ZBTB44: variants seen among roughly 807,000 people sequenced by gnomAD.
ZBTB44 encodes zinc finger and BTB domain containing 44.
A neutral mutation model predicts 54.0 loss-of-function variants in ZBTB44; 15 were observed. That is an observed-to-expected ratio of 0.28 (90% CI 0.19 to 0.43). The LOEUF (loss-of-function observed/expected upper bound fraction) is 0.43, where lower values mean the gene tolerates loss of function less well. Among genes scored for constraint, ZBTB44 ranks in the 20% least tolerant of loss-of-function variants. ZBTB44 has a pLI of 1.00. For missense variants in ZBTB44, 487 were observed against 707.1 expected, an observed-to-expected ratio of 0.69 and a Z score of 3.53; for synonymous variants, 230 against 250.1, an observed-to-expected ratio of 0.92 and a Z score of 0.76.
chr11:130,262,919 G>A (rs1938982015), intron 1 of ZBTB44, among the ~76,000 whole-genome samples: 1 of 152,170 alleles, frequency 6.6e-6, no homozygotes, highest in Non-Finnish European at 1.5e-5. Flanking sequence ...AAATTAGGCG[G>A]GTGTGGTGGC....
chr11:130,246,214 A>G (rs1954638384), intron 2 of ZBTB44, among the ~76,000 whole-genome samples: 1 of 152,236 alleles, frequency 6.6e-6, no homozygotes, highest in Admixed American at 6.5e-5. Context: ...AAATAACACA[A>G]GTAATCATAT....
chr11:130,286,448 C>G (rs897609526), intron 1 of ZBTB44, among the ~76,000 whole-genome samples: 6 of 152,188 alleles, frequency 3.9e-5, no homozygotes, highest in African/African-American at 1.2e-4. Context: ...ATATCTCACA[C>G]TATAACTACT....
chr11:130,236,363 T>G (rs1205906037), intron 5 of ZBTB44: 11 of 639,852 alleles, frequency 1.7e-5, no homozygotes, highest in Non-Finnish European at 2.4e-5. Context: ...CAATGGCTAT[T>G]CCTTTATATA....
At chr11:130,242,584 A>G (rs1954423562) in intron 2 of ZBTB44, among the ~76,000 whole-genome samples, 1 of 152,192 alleles carries the variant, frequency 6.6e-6, no homozygotes, top group Non-Finnish European at 1.5e-5. Flanking sequence ...TTTTTCAAAT[A>G]TAATTCATTC....
rs2136240568 is a variant in ZBTB44 at position 130,230,105 on chromosome 11, T to C, written c.*1659A>G. On this transcript the variant is annotated 3_prime_UTR_variant, in exon 8 of 8. Coordinates refer to ENST00000357899, the MANE Select transcript of ZBTB44 (RefSeq NM_001301098.2). Reference sequence around the variant, plus strand: ...AGTCTCTGTTACAGAATTGCCACATTATACAGTAATGTATTTTTCAAGGAC... The same window carrying C: ...AGTCTCTGTTACAGAATTGCCACATCATACAGTAATGTATTTTTCAAGGAC... 1 of 152,226 alleles carries C rather than the reference T, an allele frequency of 6.6e-6. No homozygotes were observed. The highest frequency in any genetic ancestry group is 3.4e-3 in the Middle Eastern group (1 of 294). The allele number at this position is 152,226 out of a possible 1,614,324, so 9.4% of individuals were successfully genotyped here. A position where few individuals can be genotyped will look rare whatever the true frequency, so the allele number is the denominator to read the frequency against.
At chr11:130,245,430 G>T (rs534419951) in intron 2 of ZBTB44, among the ~76,000 whole-genome samples, 2 of 152,232 alleles carry the variant, frequency 1.3e-5, no homozygotes, top group East Asian at 1.9e-4. Context: ...TCAGTCCTGG[G>T]CTAAGAAACT....
chr11:130,309,747 C>T (rs1382926335), intron 1 of ZBTB44, among the ~76,000 whole-genome samples: 1 of 151,706 alleles, frequency 6.6e-6, no homozygotes, highest in Non-Finnish European at 1.5e-5. Flanking sequence ...CAAAAATTAG[C>T]TGGGCGTGGT....
chr11:130,253,098 G>A (rs1938152287), intron 2 of ZBTB44, among the ~76,000 whole-genome samples: 1 of 152,100 alleles, frequency 6.6e-6, no homozygotes, highest in Non-Finnish European at 1.5e-5. Flanking sequence ...CAAATCCACA[G>A]CCAATATCAT....
intron 2 of ZBTB44, among the ~76,000 whole-genome samples, 200 bp downstream of exon 2, chr11:130,260,656 A>C (rs916624949): frequency 1.3e-5 from 2 of 151,740 alleles, no homozygotes; most frequent in Non-Finnish European, 2.9e-5. Context: ...GATACCATTC[A>C]ATTATTTTTA....
At chr11:130,310,610 A>AT (rs2134545637) in intron 1 of ZBTB44, 1 of 152,332 alleles carries the variant, frequency 6.6e-6, no homozygotes, top group African/African-American at 2.4e-5. Flanking sequence ...CACATAACAT[A>AT]ATTTGTCTAT....
At chr11:130,237,706 T>C (rs1954167277) in intron 4 of ZBTB44, among the ~76,000 whole-genome samples, 1 of 152,202 alleles carries the variant, frequency 6.6e-6, no homozygotes, top group African/African-American at 2.4e-5. Flanking sequence ...TTAAAACCTT[T>C]CAAAACACAG....
chr11:130,312,852 A>G (rs1942699612), intron 1 of ZBTB44, among the ~76,000 whole-genome samples: 1 of 152,348 alleles, frequency 6.6e-6, no homozygotes, highest in Admixed American at 6.5e-5. Flanking sequence ...TGGGGTTAGT[A>G]GGAGAATGTC....
At chr11:130,311,264 TG>T (rs144023130) in intron 1 of ZBTB44, among the ~76,000 whole-genome samples, 5,434 of 152,208 alleles carry the variant, frequency 0.036, 223 homozygotes, top group African/African-American at 0.097. Flanking sequence ...TGAAGTGCAG[TG>T]GGGTATGAAC....
Position 130,244,667 on chromosome 11 carries a change from G to GAAAAAAA in ZBTB44, c.1019-4778_1019-4772dup, listed in dbSNP as rs11360161. On this transcript the variant is annotated intron_variant, in intron 2 of 7. Transcript: ENST00000357899. ...GGGCGACAGAGAGAGACTCTGTCTG[G>GAAAAAAA]AAAAAAAAAAAAAAAAAAAGAAAGA... Among the ~76,000 whole-genome samples the GAAAAAAA allele has an allele frequency of 1.4e-3, 146 of 104,774 alleles. 1 individual carries two copies. In the South Asian group the frequency reaches 0.029, roughly 21 times the overall value. The allele number at this position is 104,774 out of a possible 152,430, so 68.7% of individuals were successfully genotyped here.
At chr11:130,291,023 C>A (rs1265013853) in intron 1 of ZBTB44, among the ~76,000 whole-genome samples, 1 of 152,170 alleles carries the variant, frequency 6.6e-6, no homozygotes, top group East Asian at 1.9e-4. Flanking sequence ...CATACATATT[C>A]CCACTCTCCC....
rs17605755 is a variant in ZBTB44 at position 130,292,810 on chromosome 11, C to T, written c.-57+21565G>A. 2.9e-3 allele frequency among the ~76,000 whole-genome samples: 444 copies of T among 152,262 alleles called. 1 individual carries two copies. The highest frequency in any genetic ancestry group is 4.9e-3 in the Non-Finnish European group (335 of 68,020). ...GTTAAACTTACATGGAAAATGTATA[C>T]GTGTACTCAAACTAGTGAAAATTAC... On this transcript the variant is annotated intron_variant, in intron 1 of 7. Transcript: ENST00000357899.
At chr11:130,250,357 C>G (rs562620164) in intron 2 of ZBTB44, among the ~76,000 whole-genome samples, 85 of 152,338 alleles carry the variant, frequency 5.6e-4, no homozygotes, top group African/African-American at 2.0e-3. Flanking sequence ...TTAAACGTCC[C>G]TGCCTGCAGG....
At chr11:130,293,432 C>A (rs993430665) in intron 1 of ZBTB44, among the ~76,000 whole-genome samples, 9 of 150,080 alleles carry the variant, frequency 6.0e-5, no homozygotes, top group African/African-American at 2.0e-4. Context: ...TGTGATTTCA[C>A]CACTGCACTC....
At chr11:130,291,534 G>C (rs529076640) in intron 1 of ZBTB44, among the ~76,000 whole-genome samples, 23 of 152,274 alleles carry the variant, frequency 1.5e-4, no homozygotes, top group African/African-American at 4.8e-4. Flanking sequence ...ATAAAGATTA[G>C]AGAAAATATG....
Sources: allele counts gnomAD v4.1 joint callset (sites outside exome capture counted in the v4.1 genomes callset), GRCh38; gene constraint gnomAD v4.1.1; transcripts MANE v1.5; gene names NCBI Gene and HGNC (gene_info 2026-07-23, HGNC 2026-07-21).